RPF1: variants seen among roughly 807,000 people sequenced by gnomAD.
The protein encoded by RPF1 is ribosome production factor 1.
A neutral mutation model predicts 41.9 loss-of-function variants in RPF1; 34 were observed. The ratio of observed to expected loss-of-function variants is 0.81; its 90% CI spans 0.62 to 1.08. RPF1 has a LOEUF of 1.08. Ranked by LOEUF, RPF1 falls within the 50% of genes least tolerant of loss-of-function variation. RPF1 has a pLI of 0.00. For synonymous variants in RPF1, 140 were observed against 148.9 expected (o/e 0.94, Z 0.43); for missense variants, 425 against 435.2 (o/e 0.98, Z 0.21).
chr1:84,495,908 C>G lies in RPF1; in HGVS notation c.726C>G (p.His242Gln). 1 of 1,609,360 alleles carries G rather than the reference C, an allele frequency of 6.2e-7. No homozygotes were observed. Among genetic ancestry groups the G allele is most frequent in the Non-Finnish European group, 8.5e-7 (1 of 1,176,544 alleles). ...IKRRGKDPTEHIPEIILNNFT... is the reference protein window; with the variant it reads ...IKRRGKDPTEQIPEIILNNFT... Reference sequence around the variant, plus strand: ...GAAGAGGCAAGGACCCCACAGAACACATACCTGAAATAATTCTGAATAATT... The same window carrying G: ...GAAGAGGCAAGGACCCCACAGAACAGATACCTGAAATAATTCTGAATAATT... Residue 242 changes from histidine (H) to glutamine (Q), a missense_variant, in exon 7 of 9, where the codon CAC becomes CAG. Physicochemically the swap from His to Gln is conservative, Grantham distance 24. Coordinates refer to ENST00000370654, the MANE Select transcript of RPF1 (RefSeq NM_025065.7).
intron 3 of RPF1, among the ~76,000 whole-genome samples, chr1:84,485,239 C>T (rs1427675915): frequency 1.3e-5 from 2 of 152,082 alleles, no homozygotes; most frequent in Non-Finnish European, 2.9e-5. Context: ...GCTGGGACTA[C>T]AGGCTCACAC....
chr1:84,482,852 C>A, intron 2 of RPF1, 63 bp from the exon 3 acceptor site: 1 of 1,008,176 alleles, frequency 9.9e-7, no homozygotes, highest in Non-Finnish European at 1.5e-6. Context: ...TGTTATTTTT[C>A]TCCAACAGTA....
chr1:84,479,308 C>A lies in RPF1; in HGVS notation c.27C>A (p.Ser9Arg), dbSNP rs753963915. The A allele has an allele frequency of 1.9e-6, 3 of 1,608,216 alleles. No homozygotes were observed. The highest frequency in any genetic ancestry group is 1.7e-6 in the Non-Finnish European group (2 of 1,177,146). MAKAGDKS[S>R]SSGKKSLKRK... ...TGGCGAAAGCCGGGGATAAGAGCAG[C>A]AGCAGCGGGAAGAAAAGTCTAAAAC... is the stretch of plus-strand genomic sequence containing the variant. Residue 9 changes from serine (S) to arginine (R), a missense_variant, in exon 1 of 9, where the codon AGC becomes AGA. Ser to Arg is a moderately radical substitution (Grantham distance 110). Coordinates refer to ENST00000370654, the MANE Select transcript of RPF1 (RefSeq NM_025065.7).
intron 3 of RPF1, among the ~76,000 whole-genome samples, chr1:84,485,635 T>TC: frequency 6.6e-6 from 1 of 152,294 alleles, no homozygotes; most frequent in South Asian, 2.1e-4. Context: ...TTACCAAGAG[T>TC]CACCTGATAA....
At position 84,479,305 on chromosome 1, in the gene RPF1, CA is replaced by C. The variant is rs1681594814; in HGVS notation, c.25del (p.Ser9AlafsTer8). On this transcript the variant is annotated frameshift_variant, in exon 1 of 9. Coordinates refer to ENST00000370654, the MANE Select transcript of RPF1 (RefSeq NM_025065.7). LOFTEE classifies it high-confidence loss of function. MAKAGDKS[S>X]SSGKKSLKRK... is the part of the protein sequence containing the mutation. ...CCATGGCGAAAGCCGGGGATAAGAG[CA>C]GCAGCAGCGGGAAGAAAAGTCTAAA... is the stretch of plus-strand genomic sequence containing the variant. The C allele has an allele frequency of 4.4e-6, 7 of 1,606,688 alleles. No homozygotes were observed. The highest frequency in any genetic ancestry group is 1.7e-4 in the Middle Eastern group (1 of 5,930).
intron 5 of RPF1, among the ~76,000 whole-genome samples, chr1:84,492,148 A>G (rs567317815): frequency 2.3e-5 from 3 of 131,690 alleles, no homozygotes; most frequent in Non-Finnish European, 4.7e-5. Flanking sequence ...GTGACAGGGC[A>G]AGACTCTGTC....
chr1:84,479,912 C>T (rs1175791310), intron 1 of RPF1, among the ~76,000 whole-genome samples: 1 of 152,194 alleles, frequency 6.6e-6, no homozygotes, highest in East Asian at 1.9e-4. Flanking sequence ...CAAAATACTG[C>T]TTCTCTGATT....
At chr1:84,487,878 C>G (rs1241718550) in intron 3 of RPF1, among the ~76,000 whole-genome samples, 1 of 151,934 alleles carries the variant, frequency 6.6e-6, no homozygotes, top group African/African-American at 2.4e-5. Flanking sequence ...CTTAACAGTT[C>G]ATTTATATAT....
At chr1:84,487,545 C>T (rs1328591208) in intron 3 of RPF1, among the ~76,000 whole-genome samples, 2 of 152,050 alleles carry the variant, frequency 1.3e-5, no homozygotes, top group Non-Finnish European at 2.9e-5. Context: ...TTCATGAATT[C>T]TCTTTTTATT....
At chr1:84,480,867 C>T in intron 1 of RPF1, 89 bp from the exon 2 acceptor site, 1 of 726,826 alleles carries the variant, frequency 1.4e-6, no homozygotes, top group Non-Finnish European at 2.4e-6. Flanking sequence ...TTCGAGTATT[C>T]ATAGCATTAG....
chr1:84,484,528 C>A (rs1035697904), intron 3 of RPF1, among the ~76,000 whole-genome samples: 2 of 151,840 alleles, frequency 1.3e-5, no homozygotes, highest in African/African-American at 4.8e-5. Context: ...CTTTTTGTGA[C>A]ATTGAGATTT....
chr1:84,492,620 C>T (rs1274230930), intron 5 of RPF1, among the ~76,000 whole-genome samples: 6 of 152,186 alleles, frequency 3.9e-5, no homozygotes, highest in Non-Finnish European at 8.8e-5. Context: ...GTGTCTGGCA[C>T]ATGGTAGGCA....
chr1:84,487,212 A>G (rs1407441485), intron 3 of RPF1, among the ~76,000 whole-genome samples: 1 of 152,184 alleles, frequency 6.6e-6, no homozygotes, highest in African/African-American at 2.4e-5. Flanking sequence ...ACTTTACATA[A>G]TTGTACCAAA....
chr1:84,496,810 T>C (rs1385947037), intron 8 of RPF1, among the ~76,000 whole-genome samples: 1 of 152,178 alleles, frequency 6.6e-6, no homozygotes, highest in Non-Finnish European at 1.5e-5. Context: ...GAACTATTGA[T>C]AAGTTTTCTT....
At chr1:84,489,958 G>A (rs1008068070) in intron 4 of RPF1, among the ~76,000 whole-genome samples, 4 of 152,266 alleles carry the variant, frequency 2.6e-5, no homozygotes, top group East Asian at 1.9e-4. Context: ...AGAATTCTTT[G>A]TTATGGTGAG....
At chr1:84,491,732 T>C (rs1187390797) in intron 5 of RPF1, among the ~76,000 whole-genome samples, 2 of 152,224 alleles carry the variant, frequency 1.3e-5, no homozygotes, top group Admixed American at 1.3e-4. Context: ...ACAACTGTCA[T>C]CACTTTGAGG....
chr1:84,486,861 A>G (rs56876287), intron 3 of RPF1, among the ~76,000 whole-genome samples: 29,080 of 152,072 alleles, frequency 0.19, 4,299 homozygotes, highest in African/African-American at 0.41. Context: ...AATTGGATGC[A>G]GAATATGAGA....
At chr1:84,496,881 GT>G (rs34925200) in intron 8 of RPF1, among the ~76,000 whole-genome samples, 1 of 151,620 alleles carries the variant, frequency 6.6e-6, no homozygotes, top group Non-Finnish European at 1.5e-5. Context: ...TTGTTGTTTT[GT>G]TTTTTTTGAG....
Position 84,488,569 on chromosome 1 carries a change from A to G in RPF1, c.367-1064A>G, listed in dbSNP as rs141869745. ...TTTTTCTCCCATTTTTGTGCCTTCT[A>G]GAACTTCTAGCCTAATGTCAAATAA... On this transcript the variant is annotated intron_variant, in intron 3 of 8. Transcript: ENST00000370654. Among the ~76,000 whole-genome samples, 520 of 152,202 alleles carry G rather than the reference A, an allele frequency of 3.4e-3. 3 individuals carry two copies. The highest frequency in any genetic ancestry group is 0.012 in the African/African-American group (494 of 41,558).
Sources: gnomAD v4.1 joint callset for allele counts (sites outside exome capture counted in the v4.1 genomes callset) on GRCh38, gnomAD v4.1.1 for gene constraint, MANE v1.5 for transcripts, NCBI Gene and HGNC (gene_info 2026-07-23, HGNC 2026-07-21) for gene names.